SPIDR: variants seen among roughly 807,000 people sequenced by gnomAD.
SPIDR encodes the protein scaffold protein involved in DNA repair.
In SPIDR, 93 loss-of-function variants were observed where a neutral mutation model predicts 104.6. The observed-to-expected ratio is 0.89, with a 90% confidence interval of 0.75 to 1.06. The LOEUF is 1.06. Ranked by LOEUF, SPIDR falls within the 50% of genes least tolerant of loss-of-function variation. The pLI, the probability that SPIDR is intolerant of heterozygous loss-of-function variation, is 0.00. For missense variants in SPIDR, 1,154 were observed against 1,111.2 expected, an observed-to-expected ratio of 1.04 and a Z score of -0.55; for synonymous variants, 431 against 416.9, an observed-to-expected ratio of 1.03 and a Z score of -0.41.
intron 16 of SPIDR, among the ~76,000 whole-genome samples, chr8:47,717,469 A>G (rs2082737915): frequency 6.6e-6 from 1 of 152,224 alleles, no homozygotes; most frequent in Non-Finnish European, 1.5e-5. Flanking sequence ...TGTGTACCTG[A>G]AGAACCCCAA....
intron 8 of SPIDR, among the ~76,000 whole-genome samples, chr8:47,465,596 G>A (rs371003115): frequency 8.5e-5 from 13 of 152,264 alleles, no homozygotes; most frequent in African/African-American, 3.1e-4. Flanking sequence ...TTAGCTGGGC[G>A]TGGTGACATA....
At chr8:47,592,089 G>T (rs922856692) in intron 8 of SPIDR, 7 of 1,245,278 alleles carry the variant, frequency 5.6e-6, no homozygotes, top group Non-Finnish European at 8.1e-6. Context: ...CAAACAAAAA[G>T]GAGGAAGTCT....
chr8:47,487,184 A>G (rs2077785312), intron 8 of SPIDR, among the ~76,000 whole-genome samples: 1 of 1,994 alleles, frequency 5.0e-4, no homozygotes, highest in Non-Finnish European at 6.7e-3. Context: ...AAACAAAACA[A>G]AACAAAAAGG....
chr8:47,640,798 C>G (rs1470202822), intron 10 of SPIDR, among the ~76,000 whole-genome samples: 1 of 146,648 alleles, frequency 6.8e-6, no homozygotes, highest in Non-Finnish European at 1.5e-5. Flanking sequence ...CTGCCTCAGC[C>G]TCCCAAGTAG....
intron 5 of SPIDR, among the ~76,000 whole-genome samples, chr8:47,320,933 T>C (rs2046435962): frequency 6.6e-6 from 1 of 152,178 alleles, no homozygotes; most frequent in East Asian, 1.9e-4. Flanking sequence ...AATTAGGTAT[T>C]GATGGGACGT....
At chr8:47,487,894 G>C (rs2077969241) in intron 8 of SPIDR, among the ~76,000 whole-genome samples, 1 of 152,040 alleles carries the variant, frequency 6.6e-6, no homozygotes, top group Non-Finnish European at 1.5e-5. Context: ...ATGCCCACAA[G>C]AGAAAGCAGG....
At chr8:47,563,011 T>A (rs2154402048) in intron 8 of SPIDR, among the ~76,000 whole-genome samples, 1 of 152,166 alleles carries the variant, frequency 6.6e-6, no homozygotes, top group South Asian at 2.1e-4. Context: ...ACTGGGCTAA[T>A]TAGAAACAGT....
chr8:47,297,235 A>G (rs2041020984), intron 5 of SPIDR, among the ~76,000 whole-genome samples: 1 of 152,164 alleles, frequency 6.6e-6, no homozygotes, highest in East Asian at 1.9e-4. Flanking sequence ...TTGCCAGGAC[A>G]TCTAACTCTG....
At chr8:47,372,920 A>G (rs1288807641) in intron 5 of SPIDR, among the ~76,000 whole-genome samples, 1 of 152,162 alleles carries the variant, frequency 6.6e-6, no homozygotes, top group Non-Finnish European at 1.5e-5. Flanking sequence ...TACACCCCTA[A>G]CAGAACACTA....
intron 8 of SPIDR, among the ~76,000 whole-genome samples, chr8:47,478,307 A>T (rs575006575): frequency 6.6e-6 from 1 of 152,212 alleles, no homozygotes; most frequent in Non-Finnish European, 1.5e-5. Context: ...AGGATTAACC[A>T]GCAGCAAGAA....
chr8:47,609,255 TTTG>T (rs2063333938), intron 10 of SPIDR, among the ~76,000 whole-genome samples: 1 of 152,208 alleles, frequency 6.6e-6, no homozygotes, highest in African/African-American at 2.4e-5. Flanking sequence ...TGAGGTCCAA[TTTG>T]TCATTTTTGT....
chr8:47,666,749 A>G (rs1296168735), intron 10 of SPIDR, among the ~76,000 whole-genome samples: 1 of 152,184 alleles, frequency 6.6e-6, no homozygotes, highest in African/African-American at 2.4e-5. Flanking sequence ...TTAAGCTTCA[A>G]ATTTGTGGGA....
intron 14 of SPIDR, among the ~76,000 whole-genome samples, chr8:47,711,890 C>T (rs1339884732): frequency 6.6e-6 from 1 of 152,220 alleles, no homozygotes; most frequent in African/African-American, 2.4e-5. Flanking sequence ...CCCCAACCCT[C>T]AGCTACGCAC....
chr8:47,440,320 T>G lies in SPIDR; in HGVS notation c.878-3T>G. On this transcript the variant is annotated splice_region_variant and splice_polypyrimidine_tract_variant and intron_variant, in intron 7 of 19. Coordinates refer to ENST00000297423, the MANE Select transcript of SPIDR (RefSeq NM_001080394.4). Reference sequence around the variant, plus strand: ...TTGCTTTGTTCTTTTCTTCAACTTCTAGGTAGAAAATCTGGTGTATTAACT... The same window carrying G: ...TTGCTTTGTTCTTTTCTTCAACTTCGAGGTAGAAAATCTGGTGTATTAACT... The G allele has an allele frequency of 6.2e-7, 1 of 1,613,080 alleles. No individual in the cohort carries two copies. Among genetic ancestry groups the G allele is most frequent in the Non-Finnish European group, 8.5e-7 (1 of 1,179,040 alleles).
rs138877568 is a variant in SPIDR at position 47,469,730 on chromosome 8, G to A, written c.1097+29188G>A. Among the ~76,000 whole-genome samples, 436 of 152,202 alleles carry A rather than the reference G, an allele frequency of 2.9e-3. 1 individual carries two copies. The highest frequency in any genetic ancestry group is 1.0e-2 in the African/African-American group (415 of 41,520). ...CATGGGGGCCTACTGGAGGGTGGGCGGAAGGAGGGAGAGGATCAGGAAAAA... is the reference window on the plus strand; with the variant it reads ...CATGGGGGCCTACTGGAGGGTGGGCAGAAGGAGGGAGAGGATCAGGAAAAA... On this transcript the variant is annotated intron_variant, in intron 8 of 19. Coordinates refer to ENST00000297423, the MANE Select transcript of SPIDR (RefSeq NM_001080394.4).
chr8:47,713,384 C>A, intron 15 of SPIDR, 105 bp from the exon 16 acceptor site: 2 of 1,500,020 alleles, frequency 1.3e-6, no homozygotes, highest in Non-Finnish European at 1.8e-6. Flanking sequence ...CCCATAACTG[C>A]ACCTTCACCT....
At chr8:47,463,559 C>A (rs1354449578) in intron 8 of SPIDR, among the ~76,000 whole-genome samples, 2 of 151,766 alleles carry the variant, frequency 1.3e-5, no homozygotes, top group African/African-American at 4.8e-5. Context: ...AAAAAATAGA[C>A]AAAGATTTTA....
chr8:47,708,451 C>T (rs2081385085), intron 14 of SPIDR, among the ~76,000 whole-genome samples: 1 of 152,168 alleles, frequency 6.6e-6, no homozygotes, highest in Admixed American at 6.5e-5. Flanking sequence ...CCCACACATG[C>T]ACAGCCTCCC....
chr8:47,646,121 G>T (rs564936095), intron 10 of SPIDR, among the ~76,000 whole-genome samples: 1 of 152,312 alleles, frequency 6.6e-6, no homozygotes, highest in South Asian at 2.1e-4. Context: ...TGACAACTCA[G>T]TATAAAAATG....
Sources: allele counts gnomAD v4.1 joint callset (sites outside exome capture counted in the v4.1 genomes callset), GRCh38; gene constraint gnomAD v4.1.1; transcripts MANE v1.5; gene names NCBI Gene and HGNC (gene_info 2026-07-23, HGNC 2026-07-21).